RAP1GAP2: variants seen among roughly 807,000 people sequenced by gnomAD.
RAP1GAP2 encodes rap1 GTPase-activating protein 2.
A neutral mutation model predicts 95.0 loss-of-function variants in RAP1GAP2; 27 were observed. The ratio of observed to expected loss-of-function variants is 0.28; its 90% CI spans 0.21 to 0.39. RAP1GAP2 has a LOEUF of 0.39. RAP1GAP2 is among the 10% of genes least tolerant of loss of function. The pLI, the probability that RAP1GAP2 is intolerant of heterozygous loss-of-function variation, is 1.00. For synonymous variants in RAP1GAP2, 373 were observed against 380.9 expected, an observed-to-expected ratio of 0.98 and a Z score of 0.24; for missense variants, 771 against 970.0, an observed-to-expected ratio of 0.79 and a Z score of 2.72.
At chr17:3,007,889 C>T in intron 16 of RAP1GAP2, 122 bp from the exon 17 acceptor site, 4 of 1,229,654 alleles carry the variant, frequency 3.3e-6, no homozygotes, top group Admixed American at 2.4e-5. Context: ...TAGGTCCACA[C>T]CGTTGCTGGG....
intron 2 of RAP1GAP2, among the ~76,000 whole-genome samples, chr17:2,804,924 G>A (rs546913718): frequency 2.0e-5 from 3 of 152,300 alleles, no homozygotes; most frequent in South Asian, 2.1e-4. Flanking sequence ...CAGCCTTGAC[G>A]TTCTAGGAGT....
At chr17:2,868,149 C>A (rs57442314) in intron 2 of RAP1GAP2, among the ~76,000 whole-genome samples, 27,462 of 152,084 alleles carry the variant, frequency 0.18, 3,386 homozygotes, top group African/African-American at 0.35. Context: ...TCCACCCCAG[C>A]AGGTCCGGAT....
intron 2 of RAP1GAP2, among the ~76,000 whole-genome samples, chr17:2,880,625 G>A (rs1374660851): frequency 2.0e-5 from 3 of 151,870 alleles, no homozygotes; most frequent in Non-Finnish European, 2.9e-5. Context: ...TCCATTAGCC[G>A]TCACTCCCAC....
intron 2 of RAP1GAP2, among the ~76,000 whole-genome samples, chr17:2,841,466 G>A (rs1243245671): frequency 6.6e-6 from 1 of 151,756 alleles, no homozygotes; most frequent in East Asian, 2.0e-4. Flanking sequence ...ACCACACGCG[G>A]CTAATTTTTT....
chr17:2,837,528 G>T (rs2071188518), intron 2 of RAP1GAP2, among the ~76,000 whole-genome samples: 1 of 151,972 alleles, frequency 6.6e-6, no homozygotes, highest in Admixed American at 6.6e-5. Context: ...CGTTTCCTGG[G>T]GCTCCATTCC....
At chr17:2,957,666 G>C in intron 3 of RAP1GAP2, 93 bp from the exon 4 acceptor site, 1 of 1,379,508 alleles carries the variant, frequency 7.2e-7, no homozygotes, top group Non-Finnish European at 1.0e-6. Context: ...GAAGCCCCAG[G>C]CTCAGCTTCC....
chr17:2,925,774 A>G (rs2042936534), intron 3 of RAP1GAP2, among the ~76,000 whole-genome samples: 1 of 152,138 alleles, frequency 6.6e-6, no homozygotes, highest in Admixed American at 6.6e-5. Flanking sequence ...CCCTGGTCAG[A>G]TCTGGGGAGC....
At chr17:2,760,393 T>C (rs2071221723) in intron 1 of RAP1GAP2, among the ~76,000 whole-genome samples, 1 of 147,772 alleles carries the variant, frequency 6.8e-6, no homozygotes, top group Non-Finnish European at 1.5e-5. Flanking sequence ...CAGGGTGGAG[T>C]GTAGTGGCGC....
intron 2 of RAP1GAP2, among the ~76,000 whole-genome samples, chr17:2,826,584 A>G (rs2070575679): frequency 6.6e-6 from 1 of 150,422 alleles, no homozygotes; most frequent in African/African-American, 2.5e-5. Context: ...AAGGGAGGAG[A>G]TGCTTGCTGT....
chr17:2,943,132 C>T (rs182375430), intron 3 of RAP1GAP2, among the ~76,000 whole-genome samples: 8 of 152,020 alleles, frequency 5.3e-5, no homozygotes, highest in Non-Finnish European at 8.8e-5. Context: ...CCCACTTTCT[C>T]CTCCCCCCAA....
At chr17:2,804,560 A>G (rs1375639290) in intron 2 of RAP1GAP2, among the ~76,000 whole-genome samples, 2 of 152,172 alleles carry the variant, frequency 1.3e-5, no homozygotes, top group Admixed American at 6.5e-5. Flanking sequence ...GGCTGTGTAT[A>G]TAGAATCCGT....
intron 2 of RAP1GAP2, among the ~76,000 whole-genome samples, chr17:2,852,914 AAGG>A (rs1446841755): frequency 2.0e-5 from 3 of 152,208 alleles, no homozygotes; most frequent in African/African-American, 4.8e-5. Flanking sequence ...TTCCTTTCCG[AAGG>A]AGATGAGGCT....
At chr17:2,781,654 AGGTCTCTGTGTGG>A (rs1278275589) in intron 1 of RAP1GAP2, among the ~76,000 whole-genome samples, 1,622 of 123,858 alleles carry the variant, frequency 0.013, 45 homozygotes, top group African/African-American at 0.022. Flanking sequence ...CTGTGTGTGC[AGGTCTCTGTGTGG>A]GCACGTCTCT....
intron 4 of RAP1GAP2, among the ~76,000 whole-genome samples, chr17:2,958,875 GA>G (rs1162152516): frequency 6.6e-6 from 1 of 152,104 alleles, no homozygotes; most frequent in Non-Finnish European, 1.5e-5. Context: ...TGTTTGAAGG[GA>G]AAGTATTGTT....
At chr17:2,979,460 G>GTTTTTTTTTT (rs71153320) in intron 8 of RAP1GAP2, among the ~76,000 whole-genome samples, 1 of 78,606 alleles carries the variant, frequency 1.3e-5, no homozygotes, top group Non-Finnish European at 2.3e-5. Context: ...GGCGTGTTCT[G>GTTTTTTTTTT]TTTTTTTTTT....
chr17:2,875,720 G>A (rs574920585), intron 2 of RAP1GAP2, among the ~76,000 whole-genome samples: 15 of 151,940 alleles, frequency 9.9e-5, no homozygotes, highest in South Asian at 8.3e-4. Context: ...CCGTCTCGCC[G>A]CCTGTCTGTC....
At position 2,963,272 on chromosome 17, in the gene RAP1GAP2, T is replaced by A; in HGVS notation, c.247-158T>A. ...TCAGTTTGGAGAAGAACATGGGGGATGTTAGATTCCAGAGCTGATTCTGAG... is the reference window on the plus strand; with the variant it reads ...TCAGTTTGGAGAAGAACATGGGGGAAGTTAGATTCCAGAGCTGATTCTGAG... On this transcript the variant is annotated intron_variant, in intron 5 of 24. Coordinates refer to ENST00000254695, the MANE Select transcript of RAP1GAP2 (RefSeq NM_015085.5). The surrounding 1 kb of genome is among the most constrained non-coding windows in gnomAD (Gnocchi z 4.8). 1 of 808,364 alleles carries A rather than the reference T, an allele frequency of 1.2e-6. No homozygotes were observed. Among genetic ancestry groups the A allele is most frequent in the South Asian group, 1.5e-5 (1 of 64,732 alleles). 50.1% of individuals were successfully genotyped at this position (808,364 alleles called of 1,614,324 possible). A position where few individuals can be genotyped will look rare whatever the true frequency, so the allele number is the denominator to read the frequency against.
At chr17:2,819,279 C>G (rs1597369453) in intron 2 of RAP1GAP2, among the ~76,000 whole-genome samples, 1 of 151,436 alleles carries the variant, frequency 6.6e-6, no homozygotes, top group East Asian at 1.9e-4. Flanking sequence ...CTTGGCCTCC[C>G]AAAGTGCTGA....
intron 8 of RAP1GAP2, among the ~76,000 whole-genome samples, chr17:2,969,169 A>G (rs186328623): frequency 1.5e-4 from 15 of 102,698 alleles, no homozygotes; most frequent in African/African-American, 4.1e-4. Context: ...TTCTTTATCT[A>G]TCTATCTATC....
Sources: allele counts gnomAD v4.1 joint callset (sites outside exome capture counted in the v4.1 genomes callset), GRCh38; gene constraint gnomAD v4.1.1; non-coding constraint Gnocchi (gnomAD v3.1); transcripts MANE v1.5; gene names NCBI Gene and HGNC (gene_info 2026-07-23, HGNC 2026-07-21).